C10orf67: variants seen among roughly 807,000 people sequenced by gnomAD.
C10orf67 encodes the protein chromosome 10 open reading frame 67.
A neutral mutation model predicts 35.6 loss-of-function variants in C10orf67; 60 were observed. That is an observed-to-expected ratio of 1.68 (90% CI 1.37 to 2.09). The LOEUF is 2.09. Among genes scored for constraint, C10orf67 ranks in the 30% most tolerant of loss-of-function variants. C10orf67 has a pLI of 0.00. For synonymous variants in C10orf67, 167 were observed against 115.8 expected (o/e 1.44, Z -2.84); for missense variants, 474 against 330.2 (o/e 1.44, Z -3.38).
At chr10:23,294,070 A>G (rs2132266773) in intron 5 of C10orf67, among the ~76,000 whole-genome samples, 1 of 152,248 alleles carries the variant, frequency 6.6e-6, no homozygotes, top group Non-Finnish European at 1.5e-5. Context: ...TGGACATCTC[A>G]ATTTTCTGGG....
chr10:23,318,891 A>G (rs775290196), intron 4 of C10orf67: 1 of 777,990 alleles, frequency 1.3e-6, no homozygotes, highest in South Asian at 1.4e-5. Context: ...GCACATCCAG[A>G]GTATCTCAAT....
At chr10:23,302,662 T>C (rs1027921344) in intron 5 of C10orf67, among the ~76,000 whole-genome samples, 2 of 152,184 alleles carry the variant, frequency 1.3e-5, no homozygotes, top group East Asian at 1.9e-4. Flanking sequence ...AGAGCAGACA[T>C]GAGATGACAA....
At chr10:23,213,840 A>C (rs998624639) in intron 15 of C10orf67, among the ~76,000 whole-genome samples, 1 of 152,144 alleles carries the variant, frequency 6.6e-6, no homozygotes, top group African/African-American at 2.4e-5. Flanking sequence ...GGTAATAAAA[A>C]TAGTCCAAAT....
intron 8 of C10orf67, among the ~76,000 whole-genome samples, chr10:23,272,160 A>G (rs2132213480): frequency 6.6e-6 from 1 of 152,328 alleles, no homozygotes; most frequent in South Asian, 2.1e-4. Flanking sequence ...CAAGCAATCC[A>G]TCAGCCTTGG....
chr10:23,291,312 G>T, intron 5 of C10orf67, 33 bp from the exon 6 acceptor site: 1 of 696,968 alleles, frequency 1.4e-6, no homozygotes, highest in South Asian at 1.6e-5. Context: ...TTCCTAAGCA[G>T]GGAGCCAAGG....
intron 13 of C10orf67, among the ~76,000 whole-genome samples, chr10:23,235,564 GAA>G (rs1842026380): frequency 6.6e-6 from 1 of 152,170 alleles, no homozygotes; most frequent in African/African-American, 2.4e-5. Context: ...TTGCAAGATG[GAA>G]AAGAGTTGTG....
rs182954111 is a variant in C10orf67 at position 23,299,482 on chromosome 10, T to A, written c.702+3822A>T. 2.8e-4 allele frequency among the ~76,000 whole-genome samples: 43 copies of A among 152,154 alleles called. No homozygotes were observed. In the East Asian group the frequency reaches 8.3e-3, roughly 29 times the overall value. ...GGGTGTTCCTTCTCCTATGTTCAGG[T>A]GTATAATGGCCCCTGCTTTTGCTAG... On this transcript the variant is annotated intron_variant, in intron 5 of 15. Coordinates refer to ENST00000636213, the MANE Select transcript of C10orf67 (RefSeq NM_001371909.1).
At chr10:23,208,212 C>T (rs146399443) in intron 15 of C10orf67, among the ~76,000 whole-genome samples, 2 of 152,272 alleles carry the variant, frequency 1.3e-5, no homozygotes, top group African/African-American at 2.4e-5. Context: ...TAAATGCTCT[C>T]GTAACTCACC....
chr10:23,248,624 A>G (rs1842373824), intron 12 of C10orf67, among the ~76,000 whole-genome samples: 2 of 152,204 alleles, frequency 1.3e-5, no homozygotes, highest in South Asian at 2.1e-4. Flanking sequence ...GTAAAATGAA[A>G]TTACCATGTT....
chr10:23,335,781 G>A (rs1177254765), intron 1 of C10orf67, among the ~76,000 whole-genome samples: 1 of 152,094 alleles, frequency 6.6e-6, no homozygotes, highest in Non-Finnish European at 1.5e-5. Context: ...GTAGTGGTGA[G>A]CCTCATTTCT....
chr10:23,242,575 T>G (rs1192321715), intron 12 of C10orf67, among the ~76,000 whole-genome samples: 1 of 151,992 alleles, frequency 6.6e-6, no homozygotes. Context: ...ATAGCAACCT[T>G]TCATGGAGTT....
chr10:23,300,798 T>G (rs1844048143), intron 5 of C10orf67, among the ~76,000 whole-genome samples: 1 of 152,206 alleles, frequency 6.6e-6, no homozygotes, highest in Non-Finnish European at 1.5e-5. Flanking sequence ...GGGAATTGCC[T>G]GCTGGCCTGT....
intron 8 of C10orf67, among the ~76,000 whole-genome samples, chr10:23,275,171 G>A (rs1285069070): frequency 2.0e-5 from 3 of 152,004 alleles, no homozygotes; most frequent in Non-Finnish European, 4.4e-5. Context: ...TTCTTTCAGG[G>A]GTACTTCCTA....
At chr10:23,213,455 C>G (rs1488763279) in intron 15 of C10orf67, among the ~76,000 whole-genome samples, 1 of 152,050 alleles carries the variant, frequency 6.6e-6, no homozygotes, top group African/African-American at 2.4e-5. Flanking sequence ...AAAATTGACA[C>G]CAGACTTCTT....
Position 23,322,545 on chromosome 10 carries a change from T to C in C10orf67, c.328-8A>G, listed in dbSNP as rs191314015. 378 of 1,579,490 alleles carry C rather than the reference T, an allele frequency of 2.4e-4. No individual in the cohort carries two copies. Among genetic ancestry groups the C allele is most frequent in the Middle Eastern group, 1.1e-3 (6 of 5,494 alleles). ...CTGGAGGGATTTCATCATCTAAAAATGGAAAATATTATCCTTAGCGAAGTA... is the reference window on the plus strand; with the variant it reads ...CTGGAGGGATTTCATCATCTAAAAACGGAAAATATTATCCTTAGCGAAGTA... On this transcript the variant is annotated splice_region_variant and splice_polypyrimidine_tract_variant and intron_variant, in intron 2 of 15. Transcript: ENST00000636213.
At chr10:23,223,874 A>G (rs1841659226) in intron 13 of C10orf67, 56 bp from the exon 14 acceptor site, 3 of 708,064 alleles carry the variant, frequency 4.2e-6, no homozygotes, top group Non-Finnish European at 5.2e-6. Context: ...TAGTCAAATC[A>G]AATGGACGTT....
At chr10:23,321,471 C>CA (rs1401388187) in intron 3 of C10orf67, among the ~76,000 whole-genome samples, 2 of 151,930 alleles carry the variant, frequency 1.3e-5, no homozygotes, top group Non-Finnish European at 2.9e-5. Context: ...TTCAACCTCT[C>CA]AAAGTGCTGG....
chr10:23,303,436 C>A lies in C10orf67; in HGVS notation c.570G>T (p.Glu190Asp). Residue 190 changes from glutamate (E) to aspartate (D), a missense_variant, in exon 5 of 16, where the codon GAG (glutamate) becomes GAT (aspartate). Physicochemically the swap from Glu to Asp is conservative, Grantham distance 45. Transcript: ENST00000636213. ...TACTCGCATCTTGCAAAGAAACATT[C>A]TCTTCTTCTACCTCAAAGAATTGCT... is the stretch of plus-strand genomic sequence containing the variant. The part of the protein sequence containing the change: ...MYQQFFEVEE[E>D]NVSLQDASTV... 1.7e-6 allele frequency: 1 copy of A among 584,192 alleles called. No individual in the cohort carries two copies. Among genetic ancestry groups the A allele is most frequent in the Non-Finnish European group, 3.1e-6 (1 of 324,152 alleles). The allele number at this position is 584,192 out of a possible 1,614,324, so 36.2% of individuals were successfully genotyped here. A position where few individuals can be genotyped will look rare whatever the true frequency, so the allele number is the denominator to read the frequency against.
chr10:23,294,222 GTTTCAGAGCTGTCAGCAA>G (rs1320894969), intron 5 of C10orf67, among the ~76,000 whole-genome samples: 1 of 152,128 alleles, frequency 6.6e-6, no homozygotes, highest in Non-Finnish European at 1.5e-5. Flanking sequence ...TGACAGCTCT[GTTTCAGAGCTGTCAGCAA>G]CAAGCAGATA....
Sources: gnomAD v4.1 joint callset for allele counts (sites outside exome capture counted in the v4.1 genomes callset) on GRCh38, gnomAD v4.1.1 for gene constraint, MANE v1.5 for transcripts, NCBI Gene and HGNC (gene_info 2026-07-23, HGNC 2026-07-21) for gene names.